CLVS1: variants seen among roughly 807,000 people sequenced by gnomAD.
CLVS1 encodes clavesin 1, also known as clavesin-1.
A neutral mutation model predicts 33.1 loss-of-function variants in CLVS1; 10 were observed. The ratio of observed to expected loss-of-function variants is 0.30; its 90% CI spans 0.19 to 0.51. CLVS1 has a LOEUF of 0.51. Ranked by LOEUF, CLVS1 falls within the 20% of genes least tolerant of loss-of-function variation. The pLI is 0.97. For missense variants in CLVS1, 343 were observed against 433.4 expected, an observed-to-expected ratio of 0.79 and a Z score of 1.85; for synonymous variants, 163 against 166.1, an observed-to-expected ratio of 0.98 and a Z score of 0.14.
chr8:61,354,612 A>C (rs893769906), intron 2 of CLVS1, among the ~76,000 whole-genome samples: 26 of 152,156 alleles, frequency 1.7e-4, no homozygotes, highest in Non-Finnish European at 2.9e-4. Context: ...GGCTAAAAAA[A>C]CTGGTACATC....
intron 2 of CLVS1, among the ~76,000 whole-genome samples, chr8:61,147,658 A>C (rs1440553786): frequency 6.6e-6 from 1 of 152,262 alleles, no homozygotes; most frequent in East Asian, 1.9e-4. Context: ...GGCAAAAACA[A>C]ATGGAACTTG....
At chr8:61,326,352 G>A (rs1209349669) in intron 2 of CLVS1, among the ~76,000 whole-genome samples, 2 of 152,178 alleles carry the variant, frequency 1.3e-5, no homozygotes. Flanking sequence ...TTTAGGTGTA[G>A]AGTCAGCTGT....
At chr8:61,419,001 G>C (rs1005559422) in intron 3 of CLVS1, among the ~76,000 whole-genome samples, 1 of 152,180 alleles carries the variant, frequency 6.6e-6, no homozygotes, top group African/African-American at 2.4e-5. Context: ...GCACAAAGTG[G>C]CCAATAAATA....
intron 2 of CLVS1, among the ~76,000 whole-genome samples, chr8:61,134,627 G>C (rs1037698555): frequency 6.6e-6 from 1 of 152,098 alleles, no homozygotes; most frequent in Non-Finnish European, 1.5e-5. Context: ...TACACTTGCA[G>C]CTCCTTCTCC....
the CLVS1 span, among the ~76,000 whole-genome samples, chr8:60,994,675 T>A: frequency 6.6e-6 from 1 of 152,164 alleles, no homozygotes; most frequent in Non-Finnish European, 1.5e-5. Context: ...TTATTTTGGC[T>A]TAGGATTGAC....
At chr8:61,172,024 C>G (rs952318335) in intron 2 of CLVS1, among the ~76,000 whole-genome samples, 1 of 152,136 alleles carries the variant, frequency 6.6e-6, no homozygotes, top group Non-Finnish European at 1.5e-5. Flanking sequence ...AAATTCACCT[C>G]CAAACTCTTG....
the CLVS1 span, among the ~76,000 whole-genome samples, chr8:61,024,022 A>G: frequency 4.6e-5 from 7 of 152,308 alleles, no homozygotes; most frequent in African/African-American, 1.7e-4. Context: ...CGTATCTGGG[A>G]AGCCATTCCT....
At chr8:61,137,940 A>G (rs956488900) in intron 2 of CLVS1, among the ~76,000 whole-genome samples, 1 of 152,188 alleles carries the variant, frequency 6.6e-6, no homozygotes, top group African/African-American at 2.4e-5. Context: ...TCCTGCCTCC[A>G]TTCATTCATT....
intron 3 of CLVS1, among the ~76,000 whole-genome samples, chr8:61,453,243 T>C (rs1201724561): frequency 1.3e-5 from 2 of 152,180 alleles, no homozygotes; most frequent in African/African-American, 2.4e-5. Context: ...AAGCCATTCA[T>C]TGGGAGATCT....
chr8:61,231,697 G>A (rs80219683), intron 2 of CLVS1, among the ~76,000 whole-genome samples: 265 of 152,312 alleles, frequency 1.7e-3, no homozygotes, highest in African/African-American at 5.8e-3. Context: ...CCGGAAATAC[G>A]AATCCTCAGG....
At chr8:61,169,257 A>G (rs1322762212) in intron 2 of CLVS1, among the ~76,000 whole-genome samples, 1 of 152,204 alleles carries the variant, frequency 6.6e-6, no homozygotes, top group Admixed American at 6.5e-5. Flanking sequence ...ATTAAAGGAA[A>G]TTGGAAGACC....
chr8:61,492,280 T>A (rs893722300), intron 5 of CLVS1, among the ~76,000 whole-genome samples: 4 of 152,254 alleles, frequency 2.6e-5, no homozygotes, highest in Non-Finnish European at 5.9e-5. Context: ...ACCTAATGTA[T>A]CCACCTAGTG....
chr8:61,464,088 CAAAA>C (rs34442006), intron 5 of CLVS1, among the ~76,000 whole-genome samples: 3 of 117,894 alleles, frequency 2.5e-5, no homozygotes, highest in Non-Finnish European at 1.8e-5. Context: ...GACTCTGTCT[CAAAA>C]AAAAAAAAAA....
the CLVS1 span, among the ~76,000 whole-genome samples, chr8:61,049,957 G>C: frequency 3.3e-5 from 5 of 152,250 alleles, no homozygotes; most frequent in Admixed American, 6.5e-5. Flanking sequence ...TTCACAGACA[G>C]GTGACATTGT....
intron 2 of CLVS1, among the ~76,000 whole-genome samples, chr8:61,216,963 T>C (rs998330131): frequency 1.3e-5 from 2 of 152,230 alleles, no homozygotes; most frequent in Admixed American, 1.3e-4. Context: ...GCATTTTTAG[T>C]CTTTCTAAGT....
chr8:61,068,227 G>GTATATATATACA (rs761732435), intron 1 of CLVS1, among the ~76,000 whole-genome samples: 1 of 88,300 alleles, frequency 1.1e-5, no homozygotes, highest in African/African-American at 4.0e-5. Flanking sequence ...ATGTATGTAT[G>GTATATATATACA]TGTATATATA....
the CLVS1 span, among the ~76,000 whole-genome samples, chr8:60,992,047 C>T: frequency 6.6e-6 from 1 of 152,162 alleles, no homozygotes; most frequent in East Asian, 1.9e-4. Flanking sequence ...CACACCTGGC[C>T]TCCTGCTGCT....
chr8:61,061,984 C>T (rs954022654), intron 1 of CLVS1, among the ~76,000 whole-genome samples: 1 of 152,032 alleles, frequency 6.6e-6, no homozygotes, highest in African/African-American at 2.4e-5. Flanking sequence ...TCTCTGTGAA[C>T]CCATTCATTA....
intron 3 of CLVS1, among the ~76,000 whole-genome samples, chr8:61,395,811 G>A (rs1814502571): frequency 6.6e-6 from 1 of 152,080 alleles, no homozygotes; most frequent in Non-Finnish European, 1.5e-5. Flanking sequence ...AAAGTGTTTT[G>A]TTCAACATTA....
Sources: allele counts gnomAD v4.1 joint callset (sites outside exome capture counted in the v4.1 genomes callset), GRCh38; gene constraint gnomAD v4.1.1; transcripts MANE v1.5; gene names NCBI Gene and HGNC (gene_info 2026-07-23, HGNC 2026-07-21).